The following AGAP1 variants were observed in gnomAD, a reference collection of about 807,000 sequenced individuals.
AGAP1 encodes ArfGAP with GTPase domain, ankyrin repeat and PH domain 1.
In AGAP1, 29 loss-of-function variants were observed where a neutral mutation model predicts 105.3. The ratio of observed to expected loss-of-function variants is 0.28; its 90% CI spans 0.21 to 0.38. The LOEUF (loss-of-function observed/expected upper bound fraction) is 0.38. AGAP1 is among the 10% of genes least tolerant of loss of function. The pLI is 1.00. For synonymous variants in AGAP1, 509 were observed against 485.9 expected, an observed-to-expected ratio of 1.05 and a Z score of -0.63; for missense variants, 998 against 1,165.1, an observed-to-expected ratio of 0.86 and a Z score of 2.09.
At chr2:236,010,572 C>T (rs554119888) in intron 13 of AGAP1, among the ~76,000 whole-genome samples, 6 of 152,272 alleles carry the variant, frequency 3.9e-5, no homozygotes, top group South Asian at 2.1e-4. Flanking sequence ...AACCTGAAGA[C>T]GCAGAAAGTC....
Position 235,574,881 on chromosome 2 carries a change from G to A in AGAP1, c.163+80032G>A, listed in dbSNP as rs1029799224. Reference sequence around the variant, plus strand: ...AGCACGCGTGTAATTCTAGCACTTAGGGAGGCCGAGGCAAATGGATCACTT... The same window carrying A: ...AGCACGCGTGTAATTCTAGCACTTAAGGAGGCCGAGGCAAATGGATCACTT... On this transcript the variant is annotated intron_variant, in intron 1 of 17. Coordinates refer to ENST00000304032, the MANE Select transcript of AGAP1 (RefSeq NM_001037131.3). This position sits in a 1 kb window ranked among gnomAD's most constrained non-coding sequence, Gnocchi z 5.0. 2.0e-5 allele frequency among the ~76,000 whole-genome samples: 3 copies of A among 152,186 alleles called. No individual in the cohort carries two copies. Among genetic ancestry groups the A allele is most frequent in the African/African-American group, 4.8e-5 (2 of 41,446 alleles).
chr2:236,033,939 T>TG (rs143119728), intron 13 of AGAP1, among the ~76,000 whole-genome samples: 1,693 of 152,324 alleles, frequency 0.011, 29 homozygotes, highest in African/African-American at 0.038. Context: ...CTTTGATACA[T>TG]GCATTTGAAT....
At position 235,964,660 on chromosome 2, in the gene AGAP1, A is replaced by T. The variant is rs894396219; in HGVS notation, c.1484-3802A>T. ...GTTAAATCATAAATAAAAATTAATT[A>T]GGCTCGCCCTTTTTTTTCCAAGATA... On this transcript the variant is annotated intron_variant, in intron 12 of 17. Transcript: ENST00000304032. This position sits in a 1 kb window ranked among gnomAD's most constrained non-coding sequence, Gnocchi z 4.6. 1.4e-4 allele frequency among the ~76,000 whole-genome samples: 22 copies of T among 152,112 alleles called. No homozygotes were observed. Among genetic ancestry groups the T allele is most frequent in the African/African-American group, 4.6e-4 (19 of 41,424 alleles).
At chr2:235,762,174 T>C (rs1351363715) in intron 6 of AGAP1, among the ~76,000 whole-genome samples, 2 of 151,906 alleles carry the variant, frequency 1.3e-5, no homozygotes, top group African/African-American at 2.4e-5. Context: ...TTTTTCTAAG[T>C]AAACTTCACT....
rs145625105 is a variant in AGAP1 at position 235,867,741 on chromosome 2, CA to C, written c.1051-15603del. Among the ~76,000 whole-genome samples the C allele has an allele frequency of 5.8e-4, 89 of 152,232 alleles. No individual in the cohort carries two copies. Among genetic ancestry groups the C allele is most frequent in the African/African-American group, 2.0e-3 (84 of 41,552 alleles). ...TGTTCGTTACGGAAAAGTGGGATGT[CA>C]GGGGAGCCTCAGCAGGGGCATCACC... is the stretch of plus-strand genomic sequence containing the variant. On this transcript the variant is annotated intron_variant, in intron 9 of 17. Coordinates refer to ENST00000304032, the MANE Select transcript of AGAP1 (RefSeq NM_001037131.3). This position sits in a 1 kb window ranked among gnomAD's most constrained non-coding sequence, Gnocchi z 5.4.
At chr2:235,873,788 C>T (rs1020498011) in intron 9 of AGAP1, among the ~76,000 whole-genome samples, 1 of 152,230 alleles carries the variant, frequency 6.6e-6, no homozygotes, top group Non-Finnish European at 1.5e-5. Flanking sequence ...AGTGCAGTGG[C>T]ACAATCACGA....
intron 11 of AGAP1, among the ~76,000 whole-genome samples, chr2:235,926,508 T>A (rs141652501): frequency 6.6e-6 from 1 of 152,378 alleles, no homozygotes; most frequent in South Asian, 2.1e-4. Flanking sequence ...AGGCAGGTAC[T>A]GTGTTTGGAT....
rs982620536 is a variant in AGAP1 at position 235,612,573 on chromosome 2, G to A, written c.164-96606G>A. On this transcript the variant is annotated intron_variant, in intron 1 of 17. Coordinates refer to ENST00000304032, the MANE Select transcript of AGAP1 (RefSeq NM_001037131.3). The surrounding 1 kb of genome is among the most constrained non-coding windows in gnomAD (Gnocchi z 4.3). The stretch of plus-strand genomic sequence containing the variant: ...GGTGCTAAGGGAAAAGAACGTGACT[G>A]TGTGGGGGTCTCCCTGACTCCTTAG... Among the ~76,000 whole-genome samples the A allele has an allele frequency of 6.6e-6, 1 of 152,228 alleles. No individual in the cohort carries two copies. The highest frequency in any genetic ancestry group is 2.4e-5 in the African/African-American group (1 of 41,456).
intron 1 of AGAP1, among the ~76,000 whole-genome samples, chr2:235,523,871 C>T (rs565392509): frequency 6.6e-6 from 1 of 151,720 alleles, no homozygotes; most frequent in Admixed American, 6.6e-5. Flanking sequence ...ATGGCTCACT[C>T]ACCACCCTGT....
intron 1 of AGAP1, among the ~76,000 whole-genome samples, chr2:235,687,136 T>C (rs947957814): frequency 2.6e-5 from 4 of 152,170 alleles, no homozygotes; most frequent in African/African-American, 9.7e-5. Flanking sequence ...TCCTCGTATG[T>C]CCAATGAAGG....
Position 235,792,609 on chromosome 2 carries a change from A to G in AGAP1, c.674-5150A>G, listed in dbSNP as rs1957045295. On this transcript the variant is annotated intron_variant, in intron 6 of 17. Coordinates refer to ENST00000304032, the MANE Select transcript of AGAP1 (RefSeq NM_001037131.3). This position sits in a 1 kb window ranked among gnomAD's most constrained non-coding sequence, Gnocchi z 5.3. Reference sequence around the variant, plus strand: ...ATAAGTCTTAGACCAAGGCAGTGGCAGTGAAGACGAATTTCTGAGAAACTC... The same window carrying G: ...ATAAGTCTTAGACCAAGGCAGTGGCGGTGAAGACGAATTTCTGAGAAACTC... Among the ~76,000 whole-genome samples, 1 of 152,250 alleles carries G rather than the reference A, an allele frequency of 6.6e-6. No individual in the cohort carries two copies. Among genetic ancestry groups the G allele is most frequent in the Non-Finnish European group, 1.5e-5 (1 of 68,050 alleles).
chr2:236,016,141 ATTG>A (rs1287963599), intron 13 of AGAP1, among the ~76,000 whole-genome samples: 7 of 152,074 alleles, frequency 4.6e-5, no homozygotes, highest in African/African-American at 1.7e-4. Flanking sequence ...TCAAGGGAAA[ATTG>A]TTGTCTGTTA....
At chr2:236,033,853 T>C (rs1321335612) in intron 13 of AGAP1, among the ~76,000 whole-genome samples, 2 of 152,252 alleles carry the variant, frequency 1.3e-5, no homozygotes, top group African/African-American at 4.8e-5. Context: ...GGACCAGTTG[T>C]GCAGAAATTT....
intron 13 of AGAP1, among the ~76,000 whole-genome samples, chr2:236,028,428 T>G (rs1250699219): frequency 6.6e-6 from 1 of 152,204 alleles, no homozygotes; most frequent in African/African-American, 2.4e-5. Context: ...TAGGGAAGTA[T>G]TTAGCTCATT....
At position 236,014,903 on chromosome 2, in the gene AGAP1, G is replaced by A. The variant is rs372787103; in HGVS notation, c.1646-21658G>A. On this transcript the variant is annotated intron_variant, in intron 13 of 17. Transcript: ENST00000304032. The surrounding 1 kb of genome is among the most constrained non-coding windows in gnomAD (Gnocchi z 6.3). ...AGGTAACGCCTCCGCACCTCCACCC[G>A]CCCACACCTCCACCTGCCTCTTCCC... is the stretch of plus-strand genomic sequence containing the variant. 5,132 of 385,950 alleles carry A rather than the reference G, an allele frequency of 0.013. 304 individuals are homozygous for A. Among genetic ancestry groups the A allele is most frequent in the South Asian group, 0.096 (4,927 of 51,584 alleles). The allele number at this position is 385,950 out of a possible 1,614,324, so 23.9% of individuals were successfully genotyped here.
rs1457703382 is a variant in AGAP1 at position 235,951,146 on chromosome 2, A to T, written c.1484-17316A>T. 6.6e-6 allele frequency among the ~76,000 whole-genome samples: 1 copy of T among 152,184 alleles called. No homozygotes were observed. The highest frequency in any genetic ancestry group is 1.5e-5 in the Non-Finnish European group (1 of 68,036). On this transcript the variant is annotated intron_variant, in intron 12 of 17. Transcript: ENST00000304032. The surrounding 1 kb of genome is among the most constrained non-coding windows in gnomAD (Gnocchi z 4.2). ...GATTTCTTATTTTGTGGAAAATACG[A>T]AATAAAGAAGACACATTTGGCCACT...
rs780144277 is a variant in AGAP1 at position 236,131,426 on chromosome 2, C to G, written c.*7304C>G. The G allele has an allele frequency of 6.6e-6, 1 of 152,142 alleles. No individual in the cohort carries two copies. Among genetic ancestry groups the G allele is most frequent in the Non-Finnish European group, 1.5e-5 (1 of 68,048 alleles). 9.4% of individuals were successfully genotyped at this position (152,142 alleles called of 1,614,324 possible). Reference sequence around the variant, plus strand: ...CCACCTTGCAGCCAGTTTTCTGTTTCTGTAAATAGCAGTGTATAGAGATGG... The same window carrying G: ...CCACCTTGCAGCCAGTTTTCTGTTTGTGTAAATAGCAGTGTATAGAGATGG... On this transcript the variant is annotated 3_prime_UTR_variant, in exon 18 of 18. Coordinates refer to ENST00000304032, the MANE Select transcript of AGAP1 (RefSeq NM_001037131.3). This position sits in a 1 kb window ranked among gnomAD's most constrained non-coding sequence, Gnocchi z 5.9.
Position 235,747,685 on chromosome 2 carries a change from C to T in AGAP1, c.539-2669C>T, listed in dbSNP as rs1006225795. ...GCACGTGGGCTCTGAGGGTCCCTGC[C>T]GCGACGCTTGCTTCCTGCGTGCAGA... On this transcript the variant is annotated intron_variant, in intron 5 of 17. Transcript: ENST00000304032. The surrounding 1 kb of genome is among the most constrained non-coding windows in gnomAD (Gnocchi z 5.0). 1.3e-5 allele frequency among the ~76,000 whole-genome samples: 2 copies of T among 152,212 alleles called. No homozygotes were observed. Among genetic ancestry groups the T allele is most frequent in the Non-Finnish European group, 2.9e-5 (2 of 68,042 alleles).
chr2:235,840,256 G>A (rs149581430), intron 9 of AGAP1, among the ~76,000 whole-genome samples: 6 of 149,320 alleles, frequency 4.0e-5, no homozygotes, highest in East Asian at 3.9e-4. Flanking sequence ...GGCTTCAGCC[G>A]CTGTCCATTC....
Sources: allele counts gnomAD v4.1 joint callset (sites outside exome capture counted in the v4.1 genomes callset), GRCh38; gene constraint gnomAD v4.1.1; non-coding constraint Gnocchi (gnomAD v3.1); transcripts MANE v1.5; gene names NCBI Gene and HGNC (gene_info 2026-07-23, HGNC 2026-07-21).